Variants in MED12L observed in about 807,000 individuals in gnomAD.
MED12L encodes the protein mediator complex subunit 12L.
In MED12L, 60 loss-of-function variants were observed where a neutral mutation model predicts 281.3. That is an observed-to-expected ratio of 0.21 (90% CI 0.17 to 0.26). The LOEUF is 0.26. MED12L is among the 10% of genes least tolerant of loss of function. The pLI, the probability that MED12L is intolerant of heterozygous loss-of-function variation, is 1.00. For missense variants in MED12L, 2,146 were observed against 2,680.9 expected (o/e 0.80, Z 4.41); for synonymous variants, 974 against 987.2 (o/e 0.99, Z 0.25).
chr3:151,240,733 A>G lies in MED12L; in HGVS notation c.2250+47067A>G, dbSNP rs530128302. ...TGTTATGTAAATATCCAGTCAAGGGACTGACCAGTTTTGTGCACTCTTGCA... is the reference window on the plus strand; with the variant it reads ...TGTTATGTAAATATCCAGTCAAGGGGCTGACCAGTTTTGTGCACTCTTGCA... On this transcript the variant is annotated intron_variant, in intron 16 of 44. Transcript: ENST00000687756. Among the ~76,000 whole-genome samples, 34 of 152,370 alleles carry G rather than the reference A, an allele frequency of 2.2e-4. No homozygotes were observed. The East Asian group carries it at 5.4e-3, about 24-fold the overall frequency.
intron 16 of MED12L, among the ~76,000 whole-genome samples, chr3:151,347,756 C>CG (rs2150002651): frequency 6.6e-6 from 1 of 152,248 alleles, no homozygotes; most frequent in South Asian, 2.1e-4. Context: ...CATTATACTT[C>CG]GAAGCATTTT....
chr3:151,392,873 A>G (rs1714459358), intron 38 of MED12L, among the ~76,000 whole-genome samples: 3 of 152,346 alleles, frequency 2.0e-5, no homozygotes, highest in Admixed American at 1.3e-4. Context: ...TAGAGTTAGG[A>G]AAATTTTTAA....
chr3:151,328,452 CCA>C, intron 16 of MED12L: 2 of 1,613,760 alleles, frequency 1.2e-6, no homozygotes, highest in Non-Finnish European at 1.7e-6. Flanking sequence ...CATTTCAGCC[CCA>C]GAGGCCCCTT....
At chr3:151,299,398 T>TTCTTTTCTTTTCTTTTCTCC (rs1553772525) in intron 16 of MED12L, among the ~76,000 whole-genome samples, 1 of 137,280 alleles carries the variant, frequency 7.3e-6, no homozygotes, top group East Asian at 2.1e-4. Flanking sequence ...TTCTTTTCTT[T>TTCTTTTCTTTTCTTTTCTCC]TCCCCTCCCC....
chr3:151,356,145 A>T, intron 19 of MED12L, 106 bp downstream of exon 19: 17 of 1,232,476 alleles, frequency 1.4e-5, no homozygotes, highest in Non-Finnish European at 1.9e-5. Context: ...TGTGCTTGTA[A>T]TCCTGGCACT....
At chr3:151,410,475 A>C (rs2108351573) in intron 40 of MED12L, among the ~76,000 whole-genome samples, 1 of 152,318 alleles carries the variant, frequency 6.6e-6, no homozygotes, top group East Asian at 1.9e-4. Context: ...GAGGCATTAA[A>C]CTACCTGAAA....
chr3:151,133,683 C>T (rs533490155), intron 5 of MED12L, among the ~76,000 whole-genome samples: 4 of 151,428 alleles, frequency 2.6e-5, no homozygotes, highest in African/African-American at 7.3e-5. Flanking sequence ...AGGGAGAGTA[C>T]GCCAGAAATA....
At chr3:151,205,874 G>T (rs1726276938) in intron 16 of MED12L, among the ~76,000 whole-genome samples, 1 of 152,078 alleles carries the variant, frequency 6.6e-6, no homozygotes, top group African/African-American at 2.4e-5. Flanking sequence ...TTGGGTGGTA[G>T]AACAGTGTAC....
intron 17 of MED12L, among the ~76,000 whole-genome samples, chr3:151,354,347 TA>T (rs1200481033): frequency 6.6e-6 from 1 of 152,168 alleles, no homozygotes; most frequent in Non-Finnish European, 1.5e-5. Flanking sequence ...TTATTTTTTT[TA>T]ATTGGAATTT....
intron 16 of MED12L, among the ~76,000 whole-genome samples, chr3:151,277,521 C>T (rs528173005): frequency 6.6e-5 from 10 of 151,974 alleles, no homozygotes; most frequent in African/African-American, 2.4e-4. Flanking sequence ...TCATTTTCTC[C>T]GTAGGATTGA....
chr3:151,188,927 T>C (rs940439263), intron 13 of MED12L, among the ~76,000 whole-genome samples: 17 of 152,106 alleles, frequency 1.1e-4, no homozygotes, highest in African/African-American at 4.1e-4. Flanking sequence ...CTCTCTGGGA[T>C]GTTTATGTCA....
At chr3:151,103,984 G>A (rs1020794369) in intron 2 of MED12L, among the ~76,000 whole-genome samples, 8 of 152,212 alleles carry the variant, frequency 5.3e-5, no homozygotes, top group African/African-American at 1.9e-4. Context: ...CTGTTTAAAT[G>A]TGAGGGAGTG....
intron 40 of MED12L, 97 bp downstream of exon 40, chr3:151,409,429 G>T (rs754476332): frequency 9.9e-7 from 1 of 1,013,074 alleles, no homozygotes; most frequent in Non-Finnish European, 1.5e-6. Flanking sequence ...TCCCTATAGG[G>T]TCTAGAACTT....
At chr3:151,097,441 T>C (rs1720863424) in intron 2 of MED12L, among the ~76,000 whole-genome samples, 1 of 152,218 alleles carries the variant, frequency 6.6e-6, no homozygotes, top group Non-Finnish European at 1.5e-5. Context: ...TGTGGCACTA[T>C]GAGGACAGGA....
At chr3:151,431,344 G>C (rs1277227892) in intron 44 of MED12L, among the ~76,000 whole-genome samples, 1 of 152,198 alleles carries the variant, frequency 6.6e-6, no homozygotes, top group Non-Finnish European at 1.5e-5. Context: ...TAATTACTGA[G>C]GGGCAGCTTG....
intron 21 of MED12L, 98 bp from the exon 22 acceptor site, chr3:151,364,881 A>G (rs963156344): frequency 3.1e-5 from 26 of 831,420 alleles, no homozygotes; most frequent in Non-Finnish European, 5.2e-5. Context: ...CTAGGAATGC[A>G]TTACAGTTCC....
chr3:151,329,628 T>C (rs1050651419), intron 16 of MED12L: 2 of 763,010 alleles, frequency 2.6e-6, no homozygotes, highest in South Asian at 3.6e-5. Flanking sequence ...CATTAGAACC[T>C]CTTCATATTT....
At chr3:151,162,580 A>G (rs764500372) in intron 8 of MED12L, among the ~76,000 whole-genome samples, 1 of 151,456 alleles carries the variant, frequency 6.6e-6, no homozygotes, top group Non-Finnish European at 1.5e-5. Flanking sequence ...CTAGGACTAC[A>G]GATGTGCATC....
chr3:151,284,871 G>A (rs888170497), intron 16 of MED12L, among the ~76,000 whole-genome samples: 38 of 152,102 alleles, frequency 2.5e-4, no homozygotes, highest in Admixed American at 2.5e-3. Context: ...GCCTCCCAAA[G>A]TGCTGGGATT....
Sources: gnomAD v4.1 joint callset for allele counts (sites outside exome capture counted in the v4.1 genomes callset) on GRCh38, gnomAD v4.1.1 for gene constraint, MANE v1.5 for transcripts, NCBI Gene and HGNC (gene_info 2026-07-23, HGNC 2026-07-21) for gene names.